FAT3: variants seen among roughly 807,000 people sequenced by gnomAD.
FAT3 encodes the protein FAT atypical cadherin 3.
In FAT3, 95 loss-of-function variants were observed where a neutral mutation model predicts 310.2. The observed-to-expected ratio is 0.31, with a 90% confidence interval of 0.26 to 0.36. The LOEUF (loss-of-function observed/expected upper bound fraction) is 0.36, where lower values mean the gene tolerates loss of function less well. Among genes scored for constraint, FAT3 ranks in the 10% least tolerant of loss-of-function variants. FAT3 has a pLI of 1.00. For missense variants in FAT3, 5,408 were observed against 5,715.6 expected, an observed-to-expected ratio of 0.95 and a Z score of 1.74; for synonymous variants, 2,314 against 2,192.9, an observed-to-expected ratio of 1.06 and a Z score of -1.54.
chr11:92,868,210 G>A (rs890261994), intron 22 of FAT3, among the ~76,000 whole-genome samples: 1 of 152,138 alleles, frequency 6.6e-6, no homozygotes, highest in Non-Finnish European at 1.5e-5. Context: ...TCTAATGTTC[G>A]TGAAATCCAA....
chr11:92,856,438 A>C (rs139510796), intron 19 of FAT3, among the ~76,000 whole-genome samples: 7 of 152,294 alleles, frequency 4.6e-5, no homozygotes, highest in African/African-American at 1.7e-4. Context: ...TGCTTCCTTC[A>C]GTGGGTTCAT....
chr11:92,829,036 G>C (rs571009243), intron 13 of FAT3, among the ~76,000 whole-genome samples: 1 of 152,274 alleles, frequency 6.6e-6, no homozygotes, highest in East Asian at 1.9e-4. Context: ...ACAGCACTGT[G>C]GCCTTCAGAA....
chr11:92,595,188 A>T (rs1243957592), intron 3 of FAT3, among the ~76,000 whole-genome samples: 2 of 152,088 alleles, frequency 1.3e-5, no homozygotes, highest in East Asian at 3.9e-4. Flanking sequence ...CTCTCAGCTG[A>T]ATCTGACTTC....
intron 1 of FAT3, among the ~76,000 whole-genome samples, chr11:92,326,441 A>C (rs1378329698): frequency 1.2e-4 from 19 of 152,202 alleles, no homozygotes; most frequent in Admixed American, 1.2e-3. Context: ...CTTCCATGTG[A>C]ATTGAACACA....
intron 2 of FAT3, among the ~76,000 whole-genome samples, chr11:92,489,751 C>T (rs940974783): frequency 3.9e-5 from 6 of 152,078 alleles, no homozygotes; most frequent in African/African-American, 1.4e-4. Flanking sequence ...ATCCAGAACT[C>T]AGCTACTGTT....
At position 92,507,704 on chromosome 11, in the gene FAT3, A is replaced by C. The variant is rs549084420; in HGVS notation, c.3293-16930A>C. 3.3e-5 allele frequency among the ~76,000 whole-genome samples: 5 copies of C among 152,086 alleles called. No homozygotes were observed. In the South Asian group the frequency reaches 1.0e-3, roughly 32 times the overall value. ...CACACATGTGTACATATACATGTAT[A>C]TATACAACATATACATGTATATGTA... On this transcript the variant is annotated intron_variant, in intron 2 of 27. Transcript: ENST00000525166.
chr11:92,678,541 T>A (rs1343746878), intron 3 of FAT3, among the ~76,000 whole-genome samples: 1 of 152,156 alleles, frequency 6.6e-6, no homozygotes, highest in East Asian at 1.9e-4. Flanking sequence ...GGATTAAGTT[T>A]CCCACACGTG....
intron 2 of FAT3, among the ~76,000 whole-genome samples, chr11:92,456,822 G>A (rs188779794): frequency 1.3e-5 from 2 of 151,960 alleles, no homozygotes; most frequent in African/African-American, 4.8e-5. Context: ...AGTCTGTACC[G>A]TGGCATGTGT....
At chr11:92,855,864 G>A (rs922092976) in intron 19 of FAT3, among the ~76,000 whole-genome samples, 5 of 151,976 alleles carry the variant, frequency 3.3e-5, no homozygotes, top group Admixed American at 6.6e-5. Flanking sequence ...GAGTTTGCTG[G>A]TGCTACTTAT....
At chr11:92,813,746 GT>G (rs1947745975) in intron 13 of FAT3, among the ~76,000 whole-genome samples, 1 of 152,154 alleles carries the variant, frequency 6.6e-6, no homozygotes, top group Non-Finnish European at 1.5e-5. Context: ...TGTCTAATTG[GT>G]TTTTGATCCT....
rs1946531730 is a variant in FAT3, at chr11:92,774,126, C to T, written c.4281C>T (p.Ser1427=). Residue 1427 remains serine, a synonymous_variant, in exon 7 of 28, where the codon TCC becomes TCT. Transcript: ENST00000525166. The part of the protein sequence containing the change: ...IAKPLDAEQR[S]IYNMSVEVTD... ...AACCTTTGGATGCAGAGCAGAGGTC[C>T]ATCTATAATATGAGTGTGGAAGTCA... is the stretch of plus-strand genomic sequence containing the variant. 1 of 1,613,374 alleles carries T rather than the reference C, an allele frequency of 6.2e-7. No homozygotes were observed. Among genetic ancestry groups the T allele is most frequent in the Non-Finnish European group, 8.5e-7 (1 of 1,179,654 alleles).
intron 4 of FAT3, among the ~76,000 whole-genome samples, chr11:92,741,050 T>C (rs1945493214): frequency 6.6e-6 from 1 of 151,874 alleles, no homozygotes; most frequent in African/African-American, 2.4e-5. Context: ...GATATATATA[T>C]ATTTTTTTGA....
At chr11:92,390,463 G>A (rs1203946712) in intron 2 of FAT3, among the ~76,000 whole-genome samples, 1 of 152,120 alleles carries the variant, frequency 6.6e-6, no homozygotes, top group Non-Finnish European at 1.5e-5. Context: ...TGAAGTCACT[G>A]GGGTCAAGGA....
intron 1 of FAT3, among the ~76,000 whole-genome samples, chr11:92,306,894 G>A (rs1947155646): frequency 6.7e-6 from 1 of 148,726 alleles, no homozygotes; most frequent in Non-Finnish European, 1.5e-5. Flanking sequence ...GGGCTTAAGT[G>A]ATTCTGCCTC....
At chr11:92,535,415 T>G (rs530497134) in intron 3 of FAT3, among the ~76,000 whole-genome samples, 5 of 152,230 alleles carry the variant, frequency 3.3e-5, no homozygotes, top group Non-Finnish European at 7.3e-5. Flanking sequence ...ATCTGTTCTT[T>G]TAAGCTACCC....
At chr11:92,794,955 T>A (rs928779129) in intron 9 of FAT3, among the ~76,000 whole-genome samples, 13 of 152,354 alleles carry the variant, frequency 8.5e-5, no homozygotes, top group African/African-American at 3.1e-4. Context: ...CAAATGGCTG[T>A]GTAAAGTATT....
intron 8 of FAT3, among the ~76,000 whole-genome samples, chr11:92,791,829 C>A (rs78223288): frequency 0.01 from 1,530 of 152,312 alleles, 33 homozygotes; most frequent in African/African-American, 0.035. Flanking sequence ...TTTCAAACTT[C>A]TGCCATATGC....
In FAT3 at chr11:92,467,345, T is replaced by C. The variant is rs2135134797; in HGVS notation, c.3293-57289T>C. On this transcript the variant is annotated intron_variant, in intron 2 of 27. Coordinates refer to ENST00000525166, the MANE Select transcript of FAT3 (RefSeq NM_001367949.2). ...GATGGACAGTGATGGTGAGCATTTT[T>C]TCATGTGTTTTTTGGCTGCATAAAT... is the stretch of plus-strand genomic sequence containing the variant. Among the ~76,000 whole-genome samples, 3 of 152,340 alleles carry C rather than the reference T, an allele frequency of 2.0e-5. No individual in the cohort carries two copies. In the Middle Eastern group the frequency reaches 0.01, roughly 518 times the overall value.
chr11:92,763,777 C>G (rs1946225498), intron 5 of FAT3, among the ~76,000 whole-genome samples: 1 of 152,110 alleles, frequency 6.6e-6, no homozygotes, highest in South Asian at 2.1e-4. Context: ...TATTCTCTTT[C>G]TCCTGAGAGC....
Sources: allele counts gnomAD v4.1 joint callset (sites outside exome capture counted in the v4.1 genomes callset), GRCh38; gene constraint gnomAD v4.1.1; transcripts MANE v1.5; gene names NCBI Gene and HGNC (gene_info 2026-07-23, HGNC 2026-07-21).